Variants in NRG2 observed in about 807,000 individuals in gnomAD.
NRG2 encodes the protein neuregulin 2, also known as pro-neuregulin-2, membrane-bound isoform.
NRG2 carries 27 observed loss-of-function variants against 73.9 expected under a neutral mutation model. That is an observed-to-expected ratio of 0.37 (90% CI 0.27 to 0.50). NRG2 has a LOEUF of 0.50. Among genes scored for constraint, NRG2 ranks in the 20% least tolerant of loss-of-function variants. The pLI, the probability that NRG2 is intolerant of heterozygous loss-of-function variation, is 0.96. For synonymous variants in NRG2, 532 were observed against 541.0 expected (o/e 0.98, Z 0.23); for missense variants, 1,126 against 1,210.1 (o/e 0.93, Z 1.03).
At chr5:139,923,560 C>T (rs1036840881) in intron 1 of NRG2, among the ~76,000 whole-genome samples, 1 of 152,162 alleles carries the variant, frequency 6.6e-6, no homozygotes, top group Non-Finnish European at 1.5e-5. Flanking sequence ...TCCTTCTCTC[C>T]AACAAAAGGT....
chr5:140,026,721 T>A (rs1008655397), intron 1 of NRG2, among the ~76,000 whole-genome samples: 8 of 152,156 alleles, frequency 5.3e-5, no homozygotes, highest in Non-Finnish European at 1.2e-4. Flanking sequence ...GTAAAAACTG[T>A]CATGACTCGT....
intron 1 of NRG2, among the ~76,000 whole-genome samples, chr5:140,036,491 G>A (rs1761516286): frequency 6.6e-6 from 1 of 152,128 alleles, no homozygotes; most frequent in Non-Finnish European, 1.5e-5. Context: ...TTTTAAAGAA[G>A]TCTACTTTAA....
At chr5:139,861,354 G>T (rs997980590) in intron 5 of NRG2, among the ~76,000 whole-genome samples, 2 of 152,196 alleles carry the variant, frequency 1.3e-5, no homozygotes, top group African/African-American at 2.4e-5. Context: ...AGGAAGTCCT[G>T]CGCATTATCC....
intron 6 of NRG2, among the ~76,000 whole-genome samples, chr5:139,854,154 G>T (rs929709824): frequency 6.6e-6 from 1 of 152,124 alleles, no homozygotes; most frequent in African/African-American, 2.4e-5. Context: ...GTCTCTCTCT[G>T]CCCACCCAGC....
chr5:139,874,826 T>C (rs886616285), intron 3 of NRG2, among the ~76,000 whole-genome samples: 1 of 152,218 alleles, frequency 6.6e-6, no homozygotes, highest in African/African-American at 2.4e-5. Context: ...ATGCTGGTCA[T>C]AGTTCTGCTC....
chr5:140,000,950 C>G (rs1224223436), intron 1 of NRG2, among the ~76,000 whole-genome samples: 1 of 152,208 alleles, frequency 6.6e-6, no homozygotes, highest in African/African-American at 2.4e-5. Flanking sequence ...GACTCAACGT[C>G]CTTCTCGATC....
intron 1 of NRG2, among the ~76,000 whole-genome samples, chr5:139,914,804 C>T (rs1184982976): frequency 6.6e-6 from 1 of 152,214 alleles, no homozygotes; most frequent in Non-Finnish European, 1.5e-5. Context: ...TGAAAACATG[C>T]CCATGTTGGG....
intron 1 of NRG2, among the ~76,000 whole-genome samples, chr5:139,989,448 A>T (rs55840014): frequency 6.6e-6 from 1 of 152,040 alleles, no homozygotes; most frequent in Admixed American, 6.5e-5. Flanking sequence ...TACCCATGCC[A>T]TGTCCTAACA....
At chr5:140,014,385 C>A (rs1342691401) in intron 1 of NRG2, among the ~76,000 whole-genome samples, 1 of 152,050 alleles carries the variant, frequency 6.6e-6, no homozygotes, top group Non-Finnish European at 1.5e-5. Flanking sequence ...TACAGGCATG[C>A]ACCACCATGC....
At chr5:139,878,896 A>G (rs1763354234) in intron 3 of NRG2, among the ~76,000 whole-genome samples, 2 of 152,246 alleles carry the variant, frequency 1.3e-5, no homozygotes, top group African/African-American at 4.8e-5. Context: ...GCAGGTTATA[A>G]GTTCTCTTAT....
chr5:139,909,438 T>A (rs1445752939), intron 1 of NRG2, among the ~76,000 whole-genome samples: 1 of 152,154 alleles, frequency 6.6e-6, no homozygotes, highest in Non-Finnish European at 1.5e-5. Flanking sequence ...ACTCACTATG[T>A]CATGGGAATT....
At chr5:139,952,311 T>C (rs897711685) in intron 1 of NRG2, among the ~76,000 whole-genome samples, 2 of 152,180 alleles carry the variant, frequency 1.3e-5, no homozygotes, top group African/African-American at 4.8e-5. Flanking sequence ...TCTGTACCTT[T>C]TGTCCTTTAA....
At chr5:139,913,517 A>C (rs1751011959) in intron 1 of NRG2, among the ~76,000 whole-genome samples, 1 of 152,026 alleles carries the variant, frequency 6.6e-6, no homozygotes, top group Non-Finnish European at 1.5e-5. Context: ...CACCCTCTAG[A>C]CTCAGGGGCT....
Position 139,919,500 on chromosome 5 carries a change from TTAAG to T in NRG2, c.701-31993_701-31990del, listed in dbSNP as rs564538888. ...GTTTTTATCAGGGTAGAGGTGGGTG[TTAAG>T]TAATGTGGCTAAATTCCTGGCGTTA... On this transcript the variant is annotated intron_variant, in intron 1 of 9. Coordinates refer to ENST00000361474, the MANE Select transcript of NRG2 (RefSeq NM_004883.3). Among the ~76,000 whole-genome samples, 15 of 152,140 alleles carry T rather than the reference TTAAG, an allele frequency of 9.9e-5. No homozygotes were observed. The South Asian group carries it at 2.9e-3, about 30-fold the overall frequency.
At chr5:139,925,291 C>T (rs1034370279) in intron 1 of NRG2, among the ~76,000 whole-genome samples, 9 of 152,182 alleles carry the variant, frequency 5.9e-5, no homozygotes, top group African/African-American at 4.8e-5. Flanking sequence ...CCACAAATTC[C>T]GCACTCAGCT....
chr5:139,867,796 GTA>G (rs1491084718), intron 4 of NRG2, among the ~76,000 whole-genome samples: 85 of 115,332 alleles, frequency 7.4e-4, no homozygotes, highest in South Asian at 2.9e-3. Context: ...GTGTGTGTGT[GTA>G]TGAGTGTGTG....
At chr5:140,028,741 C>A (rs1760897934) in intron 1 of NRG2, among the ~76,000 whole-genome samples, 1 of 152,042 alleles carries the variant, frequency 6.6e-6, no homozygotes, top group African/African-American at 2.4e-5. Context: ...CGTCCTTCCA[C>A]CAAAAGGTGG....
At chr5:139,938,892 GAAAGAAAGA>G (rs1753087491) in intron 1 of NRG2, among the ~76,000 whole-genome samples, 12 of 73,730 alleles carry the variant, frequency 1.6e-4, no homozygotes, top group African/African-American at 4.1e-4. Context: ...AGGAAAGAAA[GAAAGAAAGA>G]AAGAAAAGAA....
chr5:139,863,439 T>C (rs1762276566), intron 5 of NRG2, among the ~76,000 whole-genome samples: 1 of 152,266 alleles, frequency 6.6e-6, no homozygotes, highest in Non-Finnish European at 1.5e-5. Flanking sequence ...GGCTCTTTTC[T>C]GGGCTCCCGG....
Sources: gnomAD v4.1 joint callset for allele counts (sites outside exome capture counted in the v4.1 genomes callset) on GRCh38, gnomAD v4.1.1 for gene constraint, MANE v1.5 for transcripts, NCBI Gene and HGNC (gene_info 2026-07-23, HGNC 2026-07-21) for gene names.